Variants in VAV1 observed in about 807,000 individuals in gnomAD.
The protein encoded by VAV1 is proto-oncogene vav.
Under a neutral mutation model 128.1 loss-of-function variants are expected in VAV1, and 33 were observed. The observed-to-expected ratio is 0.26, with a 90% confidence interval of 0.20 to 0.34. The LOEUF (loss-of-function observed/expected upper bound fraction) is 0.34, where lower values mean the gene tolerates loss of function less well. VAV1 is among the 10% of genes least tolerant of loss of function. VAV1 has a pLI of 1.00. For missense variants in VAV1, 715 were observed against 1,093.7 expected (o/e 0.65, Z 4.88); for synonymous variants, 394 against 409.8 (o/e 0.96, Z 0.47).
At chr19:6,852,116 C>G (rs970462400) in intron 24 of VAV1, among the ~76,000 whole-genome samples, 1 of 152,126 alleles carries the variant, frequency 6.6e-6, no homozygotes. Context: ...TGGGCTCAGG[C>G]GATCCTCCCT....
intron 13 of VAV1, 61 bp from the exon 14 acceptor site, chr19:6,829,725 C>T: frequency 6.2e-7 from 1 of 1,602,002 alleles, no homozygotes; most frequent in Non-Finnish European, 8.5e-7. Flanking sequence ...AGGAACTGGT[C>T]AGAGGGCTGA....
At position 6,833,629 on chromosome 19, in the gene VAV1, C is replaced by A; in HGVS notation, c.1708+4C>A. On this transcript the variant is annotated splice_donor_region_variant and intron_variant, in intron 17 of 26. Transcript: ENST00000602142. ...CCATGTGGCCGACATGGGCAAGGTA[C>A]GAGTGGGAGGGAGGCTGGGAGGTGA... The A allele has an allele frequency of 6.2e-7, 1 of 1,613,854 alleles. No homozygotes were observed. Among genetic ancestry groups the A allele is most frequent in the Non-Finnish European group, 8.5e-7 (1 of 1,179,908 alleles).
chr19:6,790,177 C>T (rs1236638350), intron 1 of VAV1, among the ~76,000 whole-genome samples: 2 of 138,352 alleles, frequency 1.4e-5, no homozygotes, highest in South Asian at 2.2e-4. Flanking sequence ...GACTCTGTCT[C>T]AAAAATAAAA....
At chr19:6,791,374 T>C (rs1033882228) in intron 1 of VAV1, among the ~76,000 whole-genome samples, 22 of 151,356 alleles carry the variant, frequency 1.5e-4, no homozygotes, top group African/African-American at 4.6e-4. Context: ...CTTGAGATAC[T>C]TCCTCATCTT....
chr19:6,836,329 T>C lies in VAV1; in HGVS notation c.1778-103T>C. The C allele has an allele frequency of 5.6e-6, 8 of 1,417,172 alleles. No homozygotes were observed. In the South Asian group the frequency reaches 9.9e-5, roughly 18 times the overall value. The allele number at this position is 1,417,172 out of a possible 1,614,324, so 87.8% of individuals were successfully genotyped here. A position where few individuals can be genotyped will look rare whatever the true frequency, so the allele number is the denominator to read the frequency against. On this transcript the variant is annotated intron_variant, in intron 19 of 26. Transcript: ENST00000602142. ...CCACGTCCTTGTCAACACTTAGTAT[T>C]GCCAGTCTAAAAAGAAAAATTTTAG... is the stretch of plus-strand genomic sequence containing the variant.
At chr19:6,831,439 G>A (rs969146510) in intron 14 of VAV1, among the ~76,000 whole-genome samples, 14 of 152,114 alleles carry the variant, frequency 9.2e-5, no homozygotes, top group Non-Finnish European at 2.1e-4. Flanking sequence ...AGCCTCCTGA[G>A]TAGCTGGGAT....
chr19:6,856,206 A>C (rs113261044), intron 26 of VAV1, among the ~76,000 whole-genome samples: 7,953 of 152,188 alleles, frequency 0.052, 311 homozygotes, highest in Non-Finnish European at 0.076. Context: ...CTGAGGCAGG[A>C]GAATCGCTTG....
At chr19:6,787,018 C>CTTT (rs1422740523) in intron 1 of VAV1, among the ~76,000 whole-genome samples, 4 of 124,710 alleles carry the variant, frequency 3.2e-5, no homozygotes, top group African/African-American at 1.4e-4. Flanking sequence ...GACACGCTGT[C>CTTT]TATTTTTTTT....
In VAV1 at chr19:6,798,612, C is replaced by T. The variant is rs142773077; in HGVS notation, c.205-22090C>T. 6.8e-3 allele frequency among the ~76,000 whole-genome samples: 1,029 copies of T among 152,208 alleles called. 16 individuals carry two copies. Among genetic ancestry groups the T allele is most frequent in the African/African-American group, 0.024 (983 of 41,508 alleles). On this transcript the variant is annotated intron_variant, in intron 1 of 26. Transcript: ENST00000602142. ...AGGCTGCAGTGAGCCAGGATTGCAC[C>T]ACTGCACTCCAGTCTGGGTGACAGA...
In VAV1 at chr19:6,794,121, T is replaced by C. The variant is rs139987138; in HGVS notation, c.204+21110T>C. Among the ~76,000 whole-genome samples the C allele has an allele frequency of 2.2e-3, 324 of 150,692 alleles. 2 individuals are homozygous for C. Among genetic ancestry groups the C allele is most frequent in the African/African-American group, 7.5e-3 (300 of 40,244 alleles). ...GGTAAATGATTTATTTACCAATAAA[T>C]CAACGGTAAATGATTTATTTACCAA... On this transcript the variant is annotated intron_variant, in intron 1 of 26. Coordinates refer to ENST00000602142, the MANE Select transcript of VAV1 (RefSeq NM_005428.4).
At position 6,848,038 on chromosome 19, in the gene VAV1, C is replaced by T; in HGVS notation, c.2053C>T (p.Leu685=). The T allele has an allele frequency of 1.3e-6, 2 of 1,536,192 alleles. No homozygotes were observed. Among genetic ancestry groups the T allele is most frequent in the African/African-American group, 1.4e-5 (1 of 69,130 alleles). The part of the protein sequence containing the change: ...PMERAGAESI[L]ANRSDGTFLV... ...GGAGCGGGCAGGGGCAGAGAGCATC[C>T]TGGCCAACCGCTCGGACGGGACTTT... Residue 685 remains leucine (L), a synonymous_variant, in exon 23 of 27, where the codon CTG becomes TTG. Coordinates refer to ENST00000602142, the MANE Select transcript of VAV1 (RefSeq NM_005428.4).
intron 21 of VAV1, among the ~76,000 whole-genome samples, chr19:6,839,432 AATT>A (rs1972316148): frequency 6.6e-6 from 1 of 150,942 alleles, no homozygotes; most frequent in South Asian, 2.1e-4. Flanking sequence ...ACACCTGGCT[AATT>A]TTTTGTATTT....
chr19:6,844,480 G>T (rs554807786), intron 22 of VAV1, among the ~76,000 whole-genome samples: 13 of 152,184 alleles, frequency 8.5e-5, no homozygotes, highest in African/African-American at 3.1e-4. Flanking sequence ...GCCTCCCAAA[G>T]TGCTGGGATT....
In VAV1 at chr19:6,828,493, TG is replaced by T. The variant is rs750990794; in HGVS notation, c.1092+9del. On this transcript the variant is annotated splice_region_variant and intron_variant, in intron 11 of 26. Coordinates refer to ENST00000602142, the MANE Select transcript of VAV1 (RefSeq NM_005428.4). This position sits in a 1 kb window ranked among gnomAD's most constrained non-coding sequence, Gnocchi z 4.5. ...TGGCCCTGGATGCCATGAGGGTGAGTGGGTGTAGGGTGCTGGTGACTCACCT... is the reference window on the plus strand; with the variant it reads ...TGGCCCTGGATGCCATGAGGGTGAGTGGTGTAGGGTGCTGGTGACTCACCT... 6.2e-7 allele frequency: 1 copy of T among 1,613,788 alleles called. No homozygotes were observed. Among genetic ancestry groups the T allele is most frequent in the Non-Finnish European group, 8.5e-7 (1 of 1,179,958 alleles).
chr19:6,852,928 C>T (rs753043052), intron 24 of VAV1, 37 bp from the exon 25 acceptor site: 55 of 1,575,812 alleles, frequency 3.5e-5, no homozygotes, highest in African/African-American at 9.5e-5. Context: ...TGGGCTGGCC[C>T]GCTGGGATAG....
intron 13 of VAV1, 77 bp from the exon 14 acceptor site, chr19:6,829,709 A>G: frequency 6.3e-7 from 1 of 1,587,178 alleles, no homozygotes; most frequent in Non-Finnish European, 8.6e-7. Context: ...TGGGACCAGG[A>G]TGTGGAGGAA....
At chr19:6,789,332 A>C (rs985108690) in intron 1 of VAV1, among the ~76,000 whole-genome samples, 1 of 150,666 alleles carries the variant, frequency 6.6e-6, no homozygotes, top group Non-Finnish European at 1.5e-5. Flanking sequence ...GTCTCACTGC[A>C]AGCTCCACCT....
At chr19:6,788,699 A>G (rs889631252) in intron 1 of VAV1, among the ~76,000 whole-genome samples, 4 of 151,734 alleles carry the variant, frequency 2.6e-5, no homozygotes, top group African/African-American at 9.7e-5. Flanking sequence ...TTTTTTGTGG[A>G]GGTGGGAGGT....
chr19:6,821,119 G>A (rs1235263616), intron 2 of VAV1, among the ~76,000 whole-genome samples: 1 of 152,140 alleles, frequency 6.6e-6, no homozygotes, highest in Non-Finnish European at 1.5e-5. Flanking sequence ...GAAAGATAGA[G>A]GGCCGGGCGC....
Sources: allele counts gnomAD v4.1 joint callset (sites outside exome capture counted in the v4.1 genomes callset), GRCh38; gene constraint gnomAD v4.1.1; non-coding constraint Gnocchi (gnomAD v3.1); transcripts MANE v1.5; gene names NCBI Gene and HGNC (gene_info 2026-07-23, HGNC 2026-07-21).